Variants in BRF1 observed in about 807,000 individuals in gnomAD.
The protein encoded by BRF1 is BRF1 general transcription factor IIIB subunit.
In BRF1, 59 loss-of-function variants were observed where a neutral mutation model predicts 81.7. The observed-to-expected ratio is 0.72, with a 90% confidence interval of 0.59 to 0.90. BRF1 has a LOEUF of 0.90. BRF1 is among the 40% of genes least tolerant of loss of function. The pLI, the probability that BRF1 is intolerant of heterozygous loss-of-function variation, is 0.00. For missense variants in BRF1, 1,050 were observed against 936.3 expected (o/e 1.12, Z -1.58); for synonymous variants, 491 against 395.6 (o/e 1.24, Z -2.86).
Position 105,217,538 on chromosome 14 carries a change from T to C in BRF1, c.1772+6A>G, listed in dbSNP as rs1242460883. ...CCTAACCCAGCCACTCAGGACAGGA[T>C]GGTACCTTTTCCCCACACTGGTCAC... is the stretch of plus-strand genomic sequence containing the variant. On this transcript the variant is annotated splice_donor_region_variant and intron_variant, in intron 15 of 17. Transcript: ENST00000547530. 6.2e-7 allele frequency: 1 copy of C among 1,612,398 alleles called. No homozygotes were observed. The highest frequency in any genetic ancestry group is 2.2e-5 in the East Asian group (1 of 44,820).
intron 3 of BRF1, among the ~76,000 whole-genome samples, chr14:105,262,166 T>C (rs2056191350): frequency 2.0e-5 from 3 of 152,314 alleles, no homozygotes; most frequent in Middle Eastern, 3.4e-3. Flanking sequence ...GACGGGGCTA[T>C]GACGGATCCT....
chr14:105,221,289 T>C (rs1006337977), intron 11 of BRF1, among the ~76,000 whole-genome samples: 2 of 152,124 alleles, frequency 1.3e-5, no homozygotes, highest in Non-Finnish European at 2.9e-5. Flanking sequence ...GCTCAGCAAG[T>C]GACGTTCCCC....
intron 1 of BRF1, among the ~76,000 whole-genome samples, chr14:105,299,811 A>C (rs1463567800): frequency 1.3e-5 from 2 of 152,240 alleles, no homozygotes; most frequent in Non-Finnish European, 2.9e-5. Flanking sequence ...CCACATCACA[A>C]AACAGTTCAT....
intron 5 of BRF1, among the ~76,000 whole-genome samples, chr14:105,243,054 T>C (rs1333537580): frequency 6.6e-6 from 1 of 152,118 alleles, no homozygotes; most frequent in Non-Finnish European, 1.5e-5. Context: ...AGGCGGAGAT[T>C]GCAGTGAGCC....
intron 1 of BRF1, among the ~76,000 whole-genome samples, chr14:105,296,218 T>A (rs1595489492): frequency 6.6e-6 from 1 of 150,588 alleles, no homozygotes; most frequent in African/African-American, 2.4e-5. Flanking sequence ...CAAAACCCCA[T>A]CTCTACTAAA....
chr14:105,281,987 C>T (rs1352761986), intron 2 of BRF1, among the ~76,000 whole-genome samples: 2 of 152,134 alleles, frequency 1.3e-5, no homozygotes, highest in Admixed American at 1.3e-4. Context: ...ACGAAAGGCT[C>T]ATCAGGTCAA....
intron 5 of BRF1, among the ~76,000 whole-genome samples, chr14:105,244,853 G>A (rs587595261): frequency 6.6e-6 from 1 of 151,620 alleles, no homozygotes; most frequent in African/African-American, 2.4e-5. Context: ...GTGTCTGTGG[G>A]ACAGTTATGA....
chr14:105,305,140 T>C (rs1251142796), upstream of BRF1, among the ~76,000 whole-genome samples: 1 of 152,026 alleles, frequency 6.6e-6, no homozygotes, highest in East Asian at 1.9e-4. Flanking sequence ...GTGGCTCACA[T>C]CTGTGATCTC....
chr14:105,256,639 G>C (rs2816611), intron 3 of BRF1, 90 bp from the exon 4 acceptor site: 424,034 of 1,548,068 alleles, frequency 0.27, 59,229 homozygotes, highest in Middle Eastern at 0.3. Flanking sequence ...GACTGCACCT[G>C]CAGGGAGCTG....
intron 5 of BRF1, chr14:105,247,367 G>A (rs2055192358): frequency 2.0e-6 from 2 of 985,418 alleles, no homozygotes; most frequent in South Asian, 4.7e-5. Flanking sequence ...CTGGGGGCTC[G>A]GGCACCCCAT....
rs144777470 is a variant in BRF1, at chr14:105,241,819, G to A, written c.545-405C>T. 1.3e-3 allele frequency: 289 copies of A among 227,436 alleles called. 2 individuals carry two copies. The highest frequency in any genetic ancestry group is 5.3e-3 in the African/African-American group (240 of 45,090). 14.1% of individuals were successfully genotyped at this position (227,436 alleles called of 1,614,324 possible). A position where few individuals can be genotyped will look rare whatever the true frequency, so the allele number is the denominator to read the frequency against. ...TGGGTACACAAGTCGCCAGCCGGCC[G>A]GCATCAGCTGACACTCATGGGTGAG... is the stretch of plus-strand genomic sequence containing the variant. On this transcript the variant is annotated intron_variant, in intron 5 of 17. Coordinates refer to ENST00000547530, the MANE Select transcript of BRF1 (RefSeq NM_001519.4).
At chr14:105,286,657 G>A (rs1027891653) in intron 1 of BRF1, among the ~76,000 whole-genome samples, 1 of 152,076 alleles carries the variant, frequency 6.6e-6, no homozygotes, top group African/African-American at 2.4e-5. Flanking sequence ...CCAGGCTGGA[G>A]TGCAGTGGTC....
chr14:105,261,196 G>T (rs1197638303), intron 3 of BRF1, among the ~76,000 whole-genome samples: 1 of 152,224 alleles, frequency 6.6e-6, no homozygotes, highest in African/African-American at 2.4e-5. Context: ...TCTTCTGCTC[G>T]GTGCAGCTGA....
At chr14:105,278,802 T>TG (rs1310414067) in intron 2 of BRF1, among the ~76,000 whole-genome samples, 1 of 151,720 alleles carries the variant, frequency 6.6e-6, no homozygotes, top group Non-Finnish European at 1.5e-5. Context: ...CCCAACACTT[T>TG]GGGAGGCCGA....
chr14:105,221,946 C>G (rs1566807566), intron 10 of BRF1, 32 bp from the exon 11 acceptor site: 2 of 1,536,746 alleles, frequency 1.3e-6, no homozygotes, highest in South Asian at 1.2e-5. Flanking sequence ...GTTAACCAGG[C>G]AGAGGGCCAG....
At chr14:105,220,289 T>C (rs1328745692) in intron 11 of BRF1, among the ~76,000 whole-genome samples, 159 bp from the exon 12 acceptor site, 3 of 152,208 alleles carry the variant, frequency 2.0e-5, no homozygotes, top group Non-Finnish European at 4.4e-5. Flanking sequence ...TCTGCCCACA[T>C]GACCGCACCT....
At chr14:105,296,934 G>GA (rs1293491838) in intron 1 of BRF1, among the ~76,000 whole-genome samples, 5 of 152,142 alleles carry the variant, frequency 3.3e-5, no homozygotes, top group African/African-American at 9.6e-5. Flanking sequence ...AGTGGGGGGG[G>GA]ATCACTTGAG....
At chr14:105,215,250 GTA>G (rs2141390692) in intron 15 of BRF1, among the ~76,000 whole-genome samples, 1 of 151,662 alleles carries the variant, frequency 6.6e-6, no homozygotes, top group Admixed American at 6.6e-5. Flanking sequence ...GAAACACAGT[GTA>G]TACAGACACA....
chr14:105,252,704 C>G (rs2055678951), intron 4 of BRF1, 125 bp from the exon 5 acceptor site: 1 of 1,023,258 alleles, frequency 9.8e-7, no homozygotes, highest in Non-Finnish European at 1.4e-6. Context: ...GCAGCCACCC[C>G]ACACCCGCAA....
Sources: allele counts gnomAD v4.1 joint callset (sites outside exome capture counted in the v4.1 genomes callset), GRCh38; gene constraint gnomAD v4.1.1; transcripts MANE v1.5; gene names NCBI Gene and HGNC (gene_info 2026-07-23, HGNC 2026-07-21).